The following PRDM10 variants were observed in gnomAD, a reference collection of about 807,000 sequenced individuals.
PRDM10 encodes the protein PR domain zinc finger protein 10.
Under a neutral mutation model 133.1 loss-of-function variants are expected in PRDM10, and 65 were observed. The ratio of observed to expected loss-of-function variants is 0.49; its 90% confidence interval spans 0.40 to 0.60. The LOEUF (loss-of-function observed/expected upper bound fraction) is 0.60. Ranked by LOEUF, PRDM10 falls within the 20% of genes least tolerant of loss-of-function variation. The pLI, the probability that PRDM10 is intolerant of heterozygous loss-of-function variation, is 0.00. For missense variants in PRDM10, 1,137 were observed against 1,507.1 expected (o/e 0.75, Z 4.07); for synonymous variants, 582 against 580.4 (o/e 1.00, Z -0.04).
At chr11:129,931,725 C>A (rs1314053984) in intron 10 of PRDM10, among the ~76,000 whole-genome samples, 1 of 151,978 alleles carries the variant, frequency 6.6e-6, no homozygotes, top group Non-Finnish European at 1.5e-5. Flanking sequence ...CGCCACTGCA[C>A]CCAGCTAATT....
At chr11:129,993,588 C>T (rs1268804003) in intron 1 of PRDM10, among the ~76,000 whole-genome samples, 1 of 152,022 alleles carries the variant, frequency 6.6e-6, no homozygotes, top group Non-Finnish European at 1.5e-5. Context: ...GGGTTCACAC[C>T]ATTCTCCTGC....
At chr11:129,932,549 C>A (rs1405956063) in intron 9 of PRDM10, among the ~76,000 whole-genome samples, 1 of 152,150 alleles carries the variant, frequency 6.6e-6, no homozygotes, top group Non-Finnish European at 1.5e-5. Flanking sequence ...AGCCTTTGAG[C>A]GTGTTCCCAG....
At chr11:129,944,684 A>G in intron 6 of PRDM10, 87 bp downstream of exon 6, 1 of 1,515,846 alleles carries the variant, frequency 6.6e-7, no homozygotes, top group Non-Finnish European at 8.9e-7. Flanking sequence ...CTGCTAAGAA[A>G]CAGGAATAAG....
In PRDM10 at chr11:129,937,588, G is replaced by A. The variant is rs564841845; in HGVS notation, c.1039+10C>T. The stretch of plus-strand genomic sequence containing the variant: ...CATATAGAAAATGTAAAACATAAAC[G>A]TCTAACCACCTTTCCTTTCTTCCTC... On this transcript the variant is annotated intron_variant, in intron 8 of 20. Coordinates refer to ENST00000360871, the MANE Select transcript of PRDM10 (RefSeq NM_199437.2). 3.2e-5 allele frequency: 52 copies of A among 1,610,702 alleles called. No individual in the cohort carries two copies. The East Asian group carries it at 6.9e-4, about 21-fold the overall frequency.
chr11:129,915,793 G>A lies in PRDM10; in HGVS notation c.2393C>T (p.Pro798Leu), dbSNP rs756171327. Residue 798 changes from proline (P) to leucine (L), a missense_variant, in exon 16 of 21, where the codon CCG (proline) becomes CTG (leucine). Around this residue, in one of 6 missense-constraint regions of PRDM10, gnomAD observed 65 missense variants for 151.1 expected, o/e 0.43. Coordinates refer to ENST00000360871, the MANE Select transcript of PRDM10 (RefSeq NM_199437.2). ...AGCGGGTCGGAGCTTCCGAATGCTC[G>A]GTGGGAGCTCTGCTCCTGGGTGGTT... ...LKNHPGAELPPSIRKLRPAGP... is the reference protein window; with the variant it reads ...LKNHPGAELPLSIRKLRPAGP... 15 of 1,614,208 alleles carry A rather than the reference G, an allele frequency of 9.3e-6. No individual in the cohort carries two copies. Among genetic ancestry groups the A allele is most frequent in the African/African-American group, 2.7e-5 (2 of 75,056 alleles).
intron 11 of PRDM10, among the ~76,000 whole-genome samples, chr11:129,927,790 T>C (rs1432275646): frequency 1.3e-5 from 2 of 152,092 alleles, no homozygotes; most frequent in African/African-American, 4.8e-5. Flanking sequence ...GCTGAAACTG[T>C]CCCCACCCGT....
At chr11:129,953,530 G>A (rs1365954069) in intron 4 of PRDM10, among the ~76,000 whole-genome samples, 2 of 152,200 alleles carry the variant, frequency 1.3e-5, no homozygotes, top group African/African-American at 4.8e-5. Flanking sequence ...CTGGCCTCAA[G>A]TGATCTGCCT....
intron 5 of PRDM10, among the ~76,000 whole-genome samples, chr11:129,946,401 C>A (rs1951413749): frequency 6.6e-6 from 1 of 152,164 alleles, no homozygotes; most frequent in Admixed American, 6.5e-5. Context: ...TTTACCACCA[C>A]CACACAGAAG....
chr11:129,951,071 C>T (rs924104683), intron 4 of PRDM10, among the ~76,000 whole-genome samples: 8 of 152,292 alleles, frequency 5.3e-5, no homozygotes, highest in Non-Finnish European at 5.9e-5. Flanking sequence ...GGAAAAGGAA[C>T]GGAAAGAGCT....
intron 1 of PRDM10, among the ~76,000 whole-genome samples, chr11:129,995,650 A>G (rs1039348513): frequency 6.6e-6 from 1 of 152,134 alleles, no homozygotes; most frequent in Non-Finnish European, 1.5e-5. Context: ...TTGAAAAAAA[A>G]AGGCGGGGGA....
At position 129,901,357 on chromosome 11, in the gene PRDM10, G is replaced by C. The variant is rs1040931985; in HGVS notation, c.*956C>G. 5.2e-5 allele frequency: 8 copies of C among 152,648 alleles called. No homozygotes were observed. The highest frequency in any genetic ancestry group is 1.7e-4 in the African/African-American group (7 of 41,450). 9.5% of individuals were successfully genotyped at this position (152,648 alleles called of 1,614,324 possible). ...GTAATAAAATACACTGAACATGTCA[G>C]CAAGAGTTAAATGTACACTTGGTAA... On this transcript the variant is annotated 3_prime_UTR_variant, in exon 21 of 21. Coordinates refer to ENST00000360871, the MANE Select transcript of PRDM10 (RefSeq NM_199437.2).
chr11:129,990,499 G>T (rs991658483), intron 1 of PRDM10, among the ~76,000 whole-genome samples: 1 of 142,168 alleles, frequency 7.0e-6, no homozygotes, highest in South Asian at 2.3e-4. Context: ...TCCAGCCTGG[G>T]TGACAAAGTG....
chr11:129,910,046 G>A (rs1173362021), intron 19 of PRDM10, among the ~76,000 whole-genome samples: 1 of 152,202 alleles, frequency 6.6e-6, no homozygotes, highest in East Asian at 1.9e-4. Context: ...AATCATTCCT[G>A]GCAATGTAGT....
intron 20 of PRDM10, among the ~76,000 whole-genome samples, chr11:129,903,809 C>T (rs960495898): frequency 6.6e-6 from 1 of 152,106 alleles, no homozygotes; most frequent in African/African-American, 2.4e-5. Flanking sequence ...GGCTGTTTCT[C>T]AACCTAGGGT....
chr11:129,995,880 A>C (rs1211710475), intron 1 of PRDM10, among the ~76,000 whole-genome samples: 19 of 152,100 alleles, frequency 1.2e-4, no homozygotes, highest in Non-Finnish European at 1.5e-5. Context: ...CAGAAGACGG[A>C]GGTTGCCGTG....
Position 129,918,757 on chromosome 11 carries a change from G to A in PRDM10, c.2035-39C>T, listed in dbSNP as rs1565459807. ...ATTTTTGAAAACGGGGTAGACACGG[G>A]GGTAGAAAATTTTTAACTGAAGGGA... On this transcript the variant is annotated intron_variant, in intron 13 of 20. Transcript: ENST00000360871. The surrounding 1 kb of genome is among the most constrained non-coding windows in gnomAD (Gnocchi z 5.3). 1 of 1,541,154 alleles carries A rather than the reference G, an allele frequency of 6.5e-7. No individual in the cohort carries two copies. The highest frequency in any genetic ancestry group is 8.8e-7 in the Non-Finnish European group (1 of 1,134,512).
At chr11:129,902,541 T>C in intron 20 of PRDM10, 25 bp from the exon 21 acceptor site, 1 of 1,606,896 alleles carries the variant, frequency 6.2e-7, no homozygotes, top group Non-Finnish European at 8.5e-7. Context: ...AAAGGATCCT[T>C]AAAAACTTGG....
chr11:129,958,561 T>C (rs1324956013), intron 2 of PRDM10, among the ~76,000 whole-genome samples: 1 of 152,098 alleles, frequency 6.6e-6, no homozygotes, highest in African/African-American at 2.4e-5. Flanking sequence ...GGAGAATTGC[T>C]TGAACCTGGG....
chr11:129,995,661 GA>G (rs1275216723), intron 1 of PRDM10, among the ~76,000 whole-genome samples: 1 of 152,068 alleles, frequency 6.6e-6, no homozygotes, highest in Non-Finnish European at 1.5e-5. Flanking sequence ...AGGCGGGGGA[GA>G]GGGGCAGGGG....
Sources: gnomAD v4.1 joint callset for allele counts (sites outside exome capture counted in the v4.1 genomes callset) on GRCh38, gnomAD v4.1.1 for gene constraint, gnomAD v4.1.1 regional missense constraint, Gnocchi (gnomAD v3.1) non-coding constraint, MANE v1.5 for transcripts, NCBI Gene and HGNC (gene_info 2026-07-23, HGNC 2026-07-21) for gene names.